AGBL5: variants seen among roughly 807,000 people sequenced by gnomAD.
AGBL5 encodes the protein AGBL carboxypeptidase 5, also known as cytosolic carboxypeptidase-like protein 5.
Under a neutral mutation model 88.0 loss-of-function variants are expected in AGBL5, and 51 were observed. That is an observed-to-expected ratio of 0.58 (90% confidence interval 0.46 to 0.73). AGBL5 has a LOEUF of 0.73. Ranked by LOEUF, AGBL5 falls within the 30% of genes least tolerant of loss-of-function variation. AGBL5 has a pLI of 0.00. For missense variants in AGBL5, 1,031 were observed against 1,162.2 expected (o/e 0.89, Z 1.64); for synonymous variants, 446 against 438.8 (o/e 1.02, Z -0.21).
chr2:27,069,034 CTCTT>C, intron 13 of AGBL5: 3 of 1,394,424 alleles, frequency 2.2e-6, no homozygotes, highest in Non-Finnish European at 2.8e-6. Context: ...AGCTTCTCCT[CTCTT>C]TCTGCCCAGA....
intron 5 of AGBL5, 51 bp downstream of exon 5, chr2:27,054,858 G>C: frequency 6.3e-7 from 1 of 1,584,274 alleles, no homozygotes; most frequent in Non-Finnish European, 8.6e-7. Context: ...CTAGCACCAG[G>C]TACTGTTTAT....
Position 27,055,131 on chromosome 2 carries a change from C to T in AGBL5, c.786C>T (p.Phe262=). 1 of 1,614,214 alleles carries T rather than the reference C, an allele frequency of 6.2e-7. No homozygotes were observed. The highest frequency in any genetic ancestry group is 1.3e-5 in the African/African-American group (1 of 75,060). ...HPGETPSSFV[F]NGFLDFILRP... ...GGGAGACTCCATCTAGCTTTGTCTT[C>T]AATGGCTTTCTGGACTTCATCCTCC... Residue 262 remains phenylalanine, a synonymous_variant, in exon 6 of 15, where the codon TTC becomes TTT. Transcript: ENST00000360131.
chr2:27,070,514 G>T lies in AGBL5; in HGVS notation c.*251G>T. On this transcript the variant is annotated 3_prime_UTR_variant, in exon 15 of 15. Transcript: ENST00000360131. ...AAAGTCTATATTTTTATATTGGGGG[G>T]AGGGAGTAGAAAAGCAAGCCCCTAT... 4.2e-6 allele frequency: 2 copies of T among 477,332 alleles called. No homozygotes were observed. The highest frequency in any genetic ancestry group is 6.5e-5 in the South Asian group (2 of 30,920). The allele number at this position is 477,332 out of a possible 1,614,324, so 29.6% of individuals were successfully genotyped here.
intron 12 of AGBL5, 119 bp from the exon 13 acceptor site, chr2:27,068,513 C>A (rs564454537): frequency 2.5e-6 from 2 of 794,370 alleles, no homozygotes; most frequent in African/African-American, 1.7e-5. Flanking sequence ...CTACTCCCCA[C>A]GATAAAGAAT....
Position 27,053,139 on chromosome 2 carries a change from G to T in AGBL5, c.181G>T (p.Asp61Tyr). The T allele has an allele frequency of 6.2e-7, 1 of 1,608,140 alleles. No individual in the cohort carries two copies. The highest frequency in any genetic ancestry group is 8.5e-7 in the Non-Finnish European group (1 of 1,176,230). The change falls in exon 2 of 15, where the codon GAC becomes TAC. Residue 61 changes from aspartate (D) to tyrosine (Y), a missense_variant. Asp to Tyr is a radical substitution (Grantham distance 160). Transcript: ENST00000360131. This position sits in a 1 kb window ranked among gnomAD's most constrained non-coding sequence, Gnocchi z 4.9. ...TGAATTCAACGTGTGGACCCGACCA[G>T]ACTGTGCTGAAACGGAATTTGAGAA... ...DYEFNVWTRP[D>Y]CAETEFENGN...
chr2:27,059,763 C>T (rs1181235219), intron 11 of AGBL5, among the ~76,000 whole-genome samples: 1 of 152,174 alleles, frequency 6.6e-6, no homozygotes, highest in Non-Finnish European at 1.5e-5. Context: ...GGAATGTCCT[C>T]AGAATCCAAA....
In AGBL5 at chr2:27,056,637, A is replaced by G; in HGVS notation, c.1380A>G (p.Leu460=). Residue 460 remains leucine (L), a synonymous_variant, in exon 8 of 15, where the codon CTA becomes CTG. Transcript: ENST00000360131. Reference sequence around the variant, plus strand: ...TCCCCAAACAGGTGGAAAACATGCTATATCCAAAGCTCATCTCCTTGAATT... The same window carrying G: ...TCCCCAAACAGGTGGAAAACATGCTGTATCCAAAGCTCATCTCCTTGAATT... ...SDESTQVENM[L]YPKLISLNSA... The G allele has an allele frequency of 1.2e-6, 2 of 1,605,240 alleles. No homozygotes were observed. The highest frequency in any genetic ancestry group is 1.7e-6 in the Non-Finnish European group (2 of 1,173,624).
Position 27,065,965 on chromosome 2 carries a change from C to T in AGBL5, c.2090-1529C>T, listed in dbSNP as rs527981107. On this transcript the variant is annotated intron_variant, in intron 11 of 14. Coordinates refer to ENST00000360131, the MANE Select transcript of AGBL5 (RefSeq NM_021831.6). The stretch of plus-strand genomic sequence containing the variant: ...AGTGTTCAAAAGTTTAGACTTCATC[C>T]TTTAGATCTTCAAGCCCAGTGCAAT... 2.6e-5 allele frequency among the ~76,000 whole-genome samples: 4 copies of T among 152,222 alleles called. No homozygotes were observed. The East Asian group carries it at 7.7e-4, about 29-fold the overall frequency.
rs1020939475 is a variant in AGBL5 at position 27,070,595 on chromosome 2, G to T, written c.*332G>T. 8.5e-6 allele frequency: 2 copies of T among 234,130 alleles called. No homozygotes were observed. The highest frequency in any genetic ancestry group is 1.7e-5 in the Non-Finnish European group (2 of 119,606). 14.5% of individuals were successfully genotyped at this position (234,130 alleles called of 1,614,324 possible). A position where few individuals can be genotyped will look rare whatever the true frequency, so the allele number is the denominator to read the frequency against. On this transcript the variant is annotated 3_prime_UTR_variant, in exon 15 of 15. Coordinates refer to ENST00000360131, the MANE Select transcript of AGBL5 (RefSeq NM_021831.6). ...TCCATAGGATTAAGGAAGACTCTGA[G>T]GAAATAAAAGTTGTTTGGAAAAATC...
intron 11 of AGBL5, 144 bp downstream of exon 11, chr2:27,059,548 C>T (rs1267609383): frequency 2.0e-6 from 3 of 1,511,870 alleles, no homozygotes; most frequent in Non-Finnish European, 2.6e-6. Context: ...TGTGGCCTCT[C>T]CTACGACCTT....
In AGBL5 at chr2:27,066,364, G is replaced by A. The variant is rs142239754; in HGVS notation, c.2090-1130G>A. Among the ~76,000 whole-genome samples the A allele has an allele frequency of 2.0e-3, 299 of 152,248 alleles. 2 individuals are homozygous for A. The highest frequency in any genetic ancestry group is 6.9e-3 in the African/African-American group (287 of 41,534). Reference sequence around the variant, plus strand: ...GGTTTCTAGCAGTTGGGTTTTGCATGAAGACAGGGAGAATGAAAGAAAGGG... The same window carrying A: ...GGTTTCTAGCAGTTGGGTTTTGCATAAAGACAGGGAGAATGAAAGAAAGGG... On this transcript the variant is annotated intron_variant, in intron 11 of 14. Transcript: ENST00000360131.
At chr2:27,066,171 T>G (rs553930364) in intron 11 of AGBL5, among the ~76,000 whole-genome samples, 3 of 151,612 alleles carry the variant, frequency 2.0e-5, no homozygotes, top group Admixed American at 2.0e-4. Context: ...GAGGTCAAGT[T>G]TGTAGTGAGC....
At position 27,058,590 on chromosome 2, in the gene AGBL5, C is replaced by T; in HGVS notation, c.1862C>T (p.Pro621Leu). The T allele has an allele frequency of 6.2e-7, 1 of 1,613,996 alleles. No homozygotes were observed. Among genetic ancestry groups the T allele is most frequent in the Non-Finnish European group, 8.5e-7 (1 of 1,180,016 alleles). The change falls in exon 10 of 15, where the codon CCC (proline) becomes CTC (leucine). Residue 621 changes from proline to leucine, a missense_variant. Physicochemically the swap from Pro to Leu is moderately conservative, Grantham distance 98. Around this residue, in one of 2 missense-constraint regions of AGBL5, gnomAD observed 491 missense variants for 484.0 expected, o/e 1.01. Transcript: ENST00000360131. ...AAGAAGAGGGGCCTTCGAACTCCACCCAAAAGTCACAAGTAAGGCCAGCAA... is the reference window on the plus strand; with the variant it reads ...AAGAAGAGGGGCCTTCGAACTCCACTCAAAAGTCACAAGTAAGGCCAGCAA... Reference protein sequence around the residue: ...VNKKRGLRTPPKSHNGLPVSC... With the variant: ...VNKKRGLRTPLKSHNGLPVSC...
intron 11 of AGBL5, chr2:27,062,996 G>T (rs1668790182): frequency 6.6e-6 from 1 of 152,268 alleles, no homozygotes. Flanking sequence ...GTAAGACTGT[G>T]TAAGACACTG....
intron 4 of AGBL5, 153 bp downstream of exon 4, chr2:27,054,212 C>A: frequency 1.0e-6 from 1 of 978,902 alleles, no homozygotes; most frequent in Non-Finnish European, 1.5e-6. Context: ...CCTTTGAAAA[C>A]TATGTTTCTG....
chr2:27,055,953 C>CCAG lies in AGBL5; in HGVS notation c.1184_1186dup (p.Ala395dup), dbSNP rs1281337795. 7.4e-6 allele frequency: 12 copies of CCAG among 1,614,084 alleles called. No individual in the cohort carries two copies. The highest frequency in any genetic ancestry group is 1.0e-5 in the Non-Finnish European group (12 of 1,180,042). ...CGCTGAAGCCTGGAAACAAACAGAG[C>CCAG]CAGCAGAACAGAAGCTCAACAGTGT... On this transcript the variant is annotated inframe_insertion, in exon 7 of 15. Transcript: ENST00000360131.
chr2:27,069,532 T>G, intron 13 of AGBL5, 41 bp from the exon 14 acceptor site: 1 of 1,595,168 alleles, frequency 6.3e-7, no homozygotes, highest in East Asian at 2.3e-5. Flanking sequence ...AAAAAACTCA[T>G]GGAAGAATCC....
rs1669226895 is a variant in AGBL5 at position 27,070,340 on chromosome 2, G to A, written c.*77G>A. On this transcript the variant is annotated 3_prime_UTR_variant, in exon 15 of 15. Coordinates refer to ENST00000360131, the MANE Select transcript of AGBL5 (RefSeq NM_021831.6). ...GGGAAATATGCTAGTTCCCCTCCAG[G>A]CCGCTGATTCCATGTGACAGCCGTT... 4.1e-6 allele frequency: 6 copies of A among 1,469,880 alleles called. No individual in the cohort carries two copies. The highest frequency in any genetic ancestry group is 3.6e-5 in the South Asian group (3 of 83,806). The allele number at this position is 1,469,880 out of a possible 1,614,324, so 91.1% of individuals were successfully genotyped here.
At chr2:27,069,756 C>T in intron 14 of AGBL5, 50 bp downstream of exon 14, 1 of 1,563,758 alleles carries the variant, frequency 6.4e-7, no homozygotes. Context: ...TCTGTCCCCT[C>T]ATTCCCATTT....
Sources: allele counts gnomAD v4.1 joint callset (sites outside exome capture counted in the v4.1 genomes callset), GRCh38; gene constraint gnomAD v4.1.1; regional missense constraint gnomAD v4.1.1; non-coding constraint Gnocchi (gnomAD v3.1); transcripts MANE v1.5; gene names NCBI Gene and HGNC (gene_info 2026-07-23, HGNC 2026-07-21).